Variants in FAM120A observed in about 807,000 individuals in gnomAD.
FAM120A encodes family with sequence similarity 120 member A, also known as constitutive coactivator of PPAR-gamma-like protein 1.
A neutral mutation model predicts 109.7 loss-of-function variants in FAM120A; 15 were observed. The observed-to-expected ratio is 0.14, with a 90% CI of 0.09 to 0.21. The LOEUF (loss-of-function observed/expected upper bound fraction) is 0.21. Among genes scored for constraint, FAM120A ranks in the 10% least tolerant of loss-of-function variants. The pLI is 1.00. For missense variants in FAM120A, 899 were observed against 1,439.3 expected, an observed-to-expected ratio of 0.62 and a Z score of 6.07; for synonymous variants, 493 against 572.8, an observed-to-expected ratio of 0.86 and a Z score of 1.99.
rs74476328 is a variant in FAM120A at position 93,474,927 on chromosome 9, A to G, written c.722-1329A>G. On this transcript the variant is annotated intron_variant, in intron 2 of 17. Coordinates refer to ENST00000277165, the MANE Select transcript of FAM120A (RefSeq NM_014612.5). ...ATTCTTCACCGTGAAATTCTATGCA[A>G]TCCATTAACGGGAAAACAATATCAA... is the stretch of plus-strand genomic sequence containing the variant. 6.9e-3 allele frequency among the ~76,000 whole-genome samples: 1,052 copies of G among 152,222 alleles called. 14 individuals carry two copies. Among genetic ancestry groups the G allele is most frequent in the African/African-American group, 0.024 (989 of 41,536 alleles).
intron 15 of FAM120A, among the ~76,000 whole-genome samples, chr9:93,559,486 G>A (rs1862401668): frequency 6.6e-6 from 1 of 152,228 alleles, no homozygotes; most frequent in South Asian, 2.1e-4. Flanking sequence ...GGATAGTTAG[G>A]GAGGCCAGCA....
intron 11 of FAM120A, among the ~76,000 whole-genome samples, chr9:93,543,705 G>A (rs985575617): frequency 6.6e-6 from 1 of 152,068 alleles, no homozygotes; most frequent in Non-Finnish European, 1.5e-5. Context: ...AAGCATGTAT[G>A]GTATGTAAAT....
intron 1 of FAM120A, among the ~76,000 whole-genome samples, chr9:93,468,096 C>T (rs993296250): frequency 2.6e-5 from 4 of 152,088 alleles, no homozygotes; most frequent in African/African-American, 7.2e-5. Flanking sequence ...TTTGGCCAGG[C>T]TAGTCTCACA....
At chr9:93,465,390 A>G (rs1240661252) in intron 1 of FAM120A, among the ~76,000 whole-genome samples, 1 of 152,134 alleles carries the variant, frequency 6.6e-6, no homozygotes, top group Admixed American at 6.5e-5. Flanking sequence ...CATACTTTGT[A>G]GGTTTTCTTG....
intron 8 of FAM120A, 104 bp downstream of exon 8, chr9:93,527,346 G>A (rs1003166419): frequency 2.2e-5 from 19 of 853,532 alleles, no homozygotes; most frequent in Middle Eastern, 4.5e-4. Context: ...TCTTTTAATC[G>A]GGTCATGTAA....
intron 1 of FAM120A, among the ~76,000 whole-genome samples, chr9:93,457,489 A>G (rs1857601798): frequency 6.6e-6 from 1 of 152,152 alleles, no homozygotes; most frequent in African/African-American, 2.4e-5. Flanking sequence ...TAGAGCTCTA[A>G]GTCTTTTCAG....
chr9:93,500,233 A>C lies in FAM120A; in HGVS notation c.1030+1347A>C, dbSNP rs1859742376. ...GAATTCCCCATTGGCTTCCCGTCAC[A>C]CTTGGAATAAATTCCCAACTACTTA... On this transcript the variant is annotated intron_variant, in intron 5 of 17. Transcript: ENST00000277165. The surrounding 1 kb of genome is among the most constrained non-coding windows in gnomAD (Gnocchi z 4.6). 6.6e-6 allele frequency among the ~76,000 whole-genome samples: 1 copy of C among 152,230 alleles called. No homozygotes were observed. Among genetic ancestry groups the C allele is most frequent in the Non-Finnish European group, 1.5e-5 (1 of 68,034 alleles).
Position 93,557,895 on chromosome 9 carries a change from G to T in FAM120A, c.2553G>T (p.Gln851His). 6.2e-7 allele frequency: 1 copy of T among 1,613,086 alleles called. No homozygotes were observed. The highest frequency in any genetic ancestry group is 8.5e-7 in the Non-Finnish European group (1 of 1,180,034). The change falls in exon 14 of 18, where the codon CAG becomes CAT. Residue 851 changes from glutamine to histidine, a missense_variant. Gln to His is a conservative substitution (Grantham distance 24). This residue lies in a region of FAM120A where 129 missense variants were observed against 153.4 expected (regional missense o/e 0.84). Coordinates refer to ENST00000277165, the MANE Select transcript of FAM120A (RefSeq NM_014612.5). Reference protein sequence around the residue: ...SVLEGLSFSRQSHTLPFPPPP... With the variant: ...SVLEGLSFSRHSHTLPFPPPP... The stretch of plus-strand genomic sequence containing the variant: ...TCGAGGGGCTCAGCTTCTCCAGGCA[G>T]AGCCACACGCTCCCTTTCCCGCCGC...
intron 12 of FAM120A, among the ~76,000 whole-genome samples, chr9:93,551,943 G>A (rs996038607): frequency 2.6e-5 from 4 of 152,132 alleles, no homozygotes; most frequent in Non-Finnish European, 2.9e-5. Flanking sequence ...AGGTGTCCCC[G>A]TCAGGCAGTG....
intron 13 of FAM120A, among the ~76,000 whole-genome samples, chr9:93,557,418 T>G (rs1461839132): frequency 6.6e-6 from 1 of 152,076 alleles, no homozygotes; most frequent in Non-Finnish European, 1.5e-5. Context: ...GCGTGAGCTG[T>G]TGCACCCAGC....
chr9:93,487,780 A>C (rs1268705008), intron 3 of FAM120A, among the ~76,000 whole-genome samples: 1 of 152,248 alleles, frequency 6.6e-6, no homozygotes, highest in African/African-American at 2.4e-5. Context: ...GTTGTAACTC[A>C]TTGAATTATA....
chr9:93,455,642 T>A (rs991863487), intron 1 of FAM120A, among the ~76,000 whole-genome samples: 2 of 152,158 alleles, frequency 1.3e-5, no homozygotes, highest in African/African-American at 4.8e-5. Flanking sequence ...GGGGCATAAT[T>A]TCCTGTTACC....
intron 3 of FAM120A, among the ~76,000 whole-genome samples, chr9:93,487,076 A>G (rs1211788499): frequency 6.6e-6 from 1 of 152,152 alleles, no homozygotes; most frequent in Admixed American, 6.5e-5. Flanking sequence ...CATCATTTTC[A>G]GACCTTCTTT....
At chr9:93,471,104 A>C in intron 1 of FAM120A, 37 bp from the exon 2 acceptor site, 1 of 1,610,500 alleles carries the variant, frequency 6.2e-7, no homozygotes, top group Non-Finnish European at 8.5e-7. Context: ...CTACAGTGTT[A>C]CCCTACATCT....
intron 17 of FAM120A, 71 bp downstream of exon 17, chr9:93,562,375 C>G (rs1587644529): frequency 8.7e-7 from 1 of 1,146,312 alleles, no homozygotes; most frequent in Non-Finnish European, 1.3e-6. Context: ...GCTTGCACTT[C>G]TAGTACCTGC....
chr9:93,546,801 G>GT (rs1301644286), intron 11 of FAM120A, among the ~76,000 whole-genome samples: 1 of 152,078 alleles, frequency 6.6e-6, no homozygotes, highest in Non-Finnish European at 1.5e-5. Flanking sequence ...CATGGCTACA[G>GT]TTTTTTTTAT....
chr9:93,536,133 G>C (rs1861506130), intron 10 of FAM120A, among the ~76,000 whole-genome samples: 1 of 152,204 alleles, frequency 6.6e-6, no homozygotes, highest in African/African-American at 2.4e-5. Context: ...TGAGAAGATG[G>C]AACAATGATT....
intron 15 of FAM120A, among the ~76,000 whole-genome samples, chr9:93,559,478 A>C (rs1862401503): frequency 6.6e-6 from 1 of 152,180 alleles, no homozygotes; most frequent in Non-Finnish European, 1.5e-5. Context: ...GTTACATGGG[A>C]TAGTTAGGGA....
At chr9:93,455,748 C>T (rs1445383496) in intron 1 of FAM120A, among the ~76,000 whole-genome samples, 1 of 151,980 alleles carries the variant, frequency 6.6e-6, no homozygotes, top group African/African-American at 2.4e-5. Context: ...CTGCAACCTC[C>T]ACCTCCTGGG....
Sources: gnomAD v4.1 joint callset for allele counts (sites outside exome capture counted in the v4.1 genomes callset) on GRCh38, gnomAD v4.1.1 for gene constraint, gnomAD v4.1.1 regional missense constraint, Gnocchi (gnomAD v3.1) non-coding constraint, MANE v1.5 for transcripts, NCBI Gene and HGNC (gene_info 2026-07-23, HGNC 2026-07-21) for gene names.